CTNNBL1: variants seen among roughly 807,000 people sequenced by gnomAD.
The protein encoded by CTNNBL1 is beta-catenin-like protein 1.
Under a neutral mutation model 72.7 loss-of-function variants are expected in CTNNBL1, and 31 were observed. That is an observed-to-expected ratio of 0.43 (90% CI 0.32 to 0.58). The LOEUF (loss-of-function observed/expected upper bound fraction) is 0.58, where lower values mean the gene tolerates loss of function less well. CTNNBL1 is among the 20% of genes least tolerant of loss of function. The pLI, the probability that CTNNBL1 is intolerant of heterozygous loss-of-function variation, is 0.08. For synonymous variants in CTNNBL1, 240 were observed against 267.3 expected, an observed-to-expected ratio of 0.90 and a Z score of 1.00; for missense variants, 534 against 725.1, an observed-to-expected ratio of 0.74 and a Z score of 3.03.
At chr20:37,718,371 C>T (rs1428753677) in intron 1 of CTNNBL1, among the ~76,000 whole-genome samples, 1 of 140,566 alleles carries the variant, frequency 7.1e-6, no homozygotes, top group Non-Finnish European at 1.5e-5. Flanking sequence ...CGGGCAGAGG[C>T]ACCCCTCACC....
At chr20:37,819,632 T>C (rs185200392) in intron 11 of CTNNBL1, among the ~76,000 whole-genome samples, 1 of 152,324 alleles carries the variant, frequency 6.6e-6, no homozygotes, top group African/African-American at 2.4e-5. Context: ...AAGTATCTTT[T>C]AAGAATTTTT....
At chr20:37,856,900 C>T (rs1171160020) in intron 13 of CTNNBL1, among the ~76,000 whole-genome samples, 5 of 152,146 alleles carry the variant, frequency 3.3e-5, no homozygotes, top group African/African-American at 1.2e-4. Flanking sequence ...TAATTCAGTG[C>T]TTAGGGTAGT....
At chr20:37,801,198 A>G (rs2073820675) in intron 10 of CTNNBL1, among the ~76,000 whole-genome samples, 1 of 152,180 alleles carries the variant, frequency 6.6e-6, no homozygotes, top group Non-Finnish European at 1.5e-5. Flanking sequence ...GGGGAAAATT[A>G]TATGCTGATT....
At chr20:37,694,331 G>C (rs2072770004) in intron 1 of CTNNBL1, among the ~76,000 whole-genome samples, 179 bp downstream of exon 1, 1 of 152,136 alleles carries the variant, frequency 6.6e-6, no homozygotes, top group Non-Finnish European at 1.5e-5. Context: ...GGGCCCTTTC[G>C]ATTCATCCCT....
chr20:37,700,930 T>A (rs2072836089), intron 1 of CTNNBL1, among the ~76,000 whole-genome samples: 1 of 152,218 alleles, frequency 6.6e-6, no homozygotes, highest in Non-Finnish European at 1.5e-5. Context: ...TGCAGGAGCT[T>A]ACAGAAATAT....
intron 10 of CTNNBL1, among the ~76,000 whole-genome samples, chr20:37,797,372 TA>T (rs1226885785): frequency 4.6e-5 from 7 of 151,258 alleles, no homozygotes; most frequent in Non-Finnish European, 1.0e-4. Context: ...TTTTTTTTTT[TA>T]ATCAGTCTCC....
At chr20:37,862,562 G>T (rs868385466) in intron 15 of CTNNBL1, among the ~76,000 whole-genome samples, 5 of 152,102 alleles carry the variant, frequency 3.3e-5, no homozygotes, top group Non-Finnish European at 4.4e-5. Context: ...GCCTTTTAAG[G>T]TGCTGACCCC....
chr20:37,718,391 G>A (rs1361202436), intron 1 of CTNNBL1, among the ~76,000 whole-genome samples: 5 of 141,312 alleles, frequency 3.5e-5, no homozygotes. Flanking sequence ...CTCCGGGACG[G>A]GGCGGCTGGC....
At position 37,732,929 on chromosome 20, in the gene CTNNBL1, G is replaced by T. The variant is rs1475345896; in HGVS notation, c.81G>T (p.Lys27Asn). The part of the protein sequence containing the change: ...RPRDDEEEEQ[K>N]MRRKQTGTRE... Reference sequence around the variant, plus strand: ...GGGATGATGAAGAGGAGGAGCAGAAGATGCGTCGGAAACAAACTGGTACTC... The same window carrying T: ...GGGATGATGAAGAGGAGGAGCAGAATATGCGTCGGAAACAAACTGGTACTC... Residue 27 changes from lysine (K) to asparagine (N), a missense_variant, in exon 2 of 16, where the codon AAG becomes AAT. Coordinates refer to ENST00000361383, the MANE Select transcript of CTNNBL1 (RefSeq NM_030877.5). The T allele has an allele frequency of 6.2e-7, 1 of 1,613,942 alleles. No individual in the cohort carries two copies. Among genetic ancestry groups the T allele is most frequent in the African/African-American group, 1.3e-5 (1 of 74,924 alleles).
chr20:37,801,082 T>C (rs1001571868), intron 10 of CTNNBL1, among the ~76,000 whole-genome samples: 1 of 152,244 alleles, frequency 6.6e-6, no homozygotes, highest in African/African-American at 2.4e-5. Context: ...TCTCAATTTC[T>C]CTTTGTCTCC....
intron 11 of CTNNBL1, among the ~76,000 whole-genome samples, chr20:37,826,084 A>G (rs746520666): frequency 1.2e-4 from 19 of 152,154 alleles, no homozygotes; most frequent in Non-Finnish European, 1.6e-4. Context: ...AGGAAACTTC[A>G]TGCCTTCTGC....
At chr20:37,697,835 A>G (rs1568740740) in intron 1 of CTNNBL1, among the ~76,000 whole-genome samples, 1 of 152,248 alleles carries the variant, frequency 6.6e-6, no homozygotes, top group Non-Finnish European at 1.5e-5. Flanking sequence ...GGGAATAGGT[A>G]TAGAGAATAA....
intron 11 of CTNNBL1, among the ~76,000 whole-genome samples, chr20:37,833,872 G>A (rs2072232691): frequency 6.6e-6 from 1 of 152,130 alleles, no homozygotes; most frequent in African/African-American, 2.4e-5. Flanking sequence ...ACATTTATTA[G>A]TAGCTAATGA....
intron 11 of CTNNBL1, among the ~76,000 whole-genome samples, chr20:37,807,157 G>A (rs1006913855): frequency 6.6e-6 from 1 of 152,094 alleles, no homozygotes; most frequent in African/African-American, 2.4e-5. Flanking sequence ...TGCCATTTTG[G>A]GCAAGTTCCT....
chr20:37,695,995 A>G (rs1455098839), intron 1 of CTNNBL1, among the ~76,000 whole-genome samples: 2 of 152,240 alleles, frequency 1.3e-5, no homozygotes, highest in Non-Finnish European at 2.9e-5. Context: ...AGTTTAATTG[A>G]TAGTGAAAGA....
At chr20:37,860,465 G>C in intron 15 of CTNNBL1, 121 bp downstream of exon 15, 2 of 796,688 alleles carry the variant, frequency 2.5e-6, no homozygotes, top group Admixed American at 3.9e-5. Flanking sequence ...AGCTTAAGTT[G>C]TTGTCCATTT....
intron 1 of CTNNBL1, among the ~76,000 whole-genome samples, chr20:37,716,450 A>G (rs1437919353): frequency 6.6e-6 from 1 of 152,084 alleles, no homozygotes; most frequent in Non-Finnish European, 1.5e-5. Flanking sequence ...CCAGGTGGGG[A>G]AGTATTTCTG....
intron 10 of CTNNBL1, among the ~76,000 whole-genome samples, chr20:37,783,948 G>A (rs1392191920): frequency 6.6e-6 from 1 of 152,108 alleles, no homozygotes; most frequent in East Asian, 1.9e-4. Flanking sequence ...CTGAAAGTGG[G>A]GTGTTGAAGT....
chr20:37,788,559 C>T (rs2073698000), intron 10 of CTNNBL1, among the ~76,000 whole-genome samples: 1 of 152,210 alleles, frequency 6.6e-6, no homozygotes, highest in Admixed American at 6.5e-5. Flanking sequence ...TAATCCTGAT[C>T]TTGAGGCTCA....
Sources: allele counts gnomAD v4.1 joint callset (sites outside exome capture counted in the v4.1 genomes callset), GRCh38; gene constraint gnomAD v4.1.1; transcripts MANE v1.5; gene names NCBI Gene and HGNC (gene_info 2026-07-23, HGNC 2026-07-21).